Variants in UMAD1 observed in about 807,000 individuals in gnomAD.
UMAD1 encodes the protein UBAP1-MVB12-associated (UMA)-domain containing protein 1.
UMAD1 carries 8 observed loss-of-function variants against 6.1 expected under a neutral mutation model. The observed-to-expected ratio is 1.30, with a 90% CI of 0.76 to 2.35. The LOEUF is 2.35. Ranked by LOEUF, UMAD1 falls within the 30% of genes most tolerant of loss-of-function variation. The pLI is 0.00. For missense variants in UMAD1, 130 were observed against 78.4 expected (o/e 1.66, Z -2.49); for synonymous variants, 56 against 31.4 (o/e 1.78, Z -2.61).
intron 2 of UMAD1, among the ~76,000 whole-genome samples, chr7:7,726,646 G>C (rs956476586): frequency 1.3e-5 from 2 of 152,162 alleles, no homozygotes; most frequent in Non-Finnish European, 2.9e-5. Flanking sequence ...GCAAAATTTT[G>C]CTTCCTTTTC....
chr7:7,864,396 A>C (rs552458631), intron 3 of UMAD1, among the ~76,000 whole-genome samples: 240 of 152,276 alleles, frequency 1.6e-3, no homozygotes, highest in Non-Finnish European at 2.8e-3. Context: ...TTGCCAGAGC[A>C]TATCCCAGCA....
chr7:7,771,137 T>A (rs552107053), intron 2 of UMAD1, among the ~76,000 whole-genome samples: 107 of 151,666 alleles, frequency 7.1e-4, no homozygotes, highest in South Asian at 3.7e-3. Context: ...TTTTTTTTTT[T>A]CTTGGAACGC....
At chr7:7,648,518 G>A (rs1365655234) in intron 1 of UMAD1, among the ~76,000 whole-genome samples, 1 of 152,148 alleles carries the variant, frequency 6.6e-6, no homozygotes, top group African/African-American at 2.4e-5. Context: ...TCTATGTAGT[G>A]TTGCTATTAC....
chr7:7,836,983 A>G (rs1783583876), intron 3 of UMAD1, among the ~76,000 whole-genome samples: 1 of 151,862 alleles, frequency 6.6e-6, no homozygotes, highest in Non-Finnish European at 1.5e-5. Flanking sequence ...CTTCAGATTT[A>G]GAAAGCCCCC....
chr7:7,855,951 A>T (rs1400753586), intron 3 of UMAD1, among the ~76,000 whole-genome samples: 1 of 152,228 alleles, frequency 6.6e-6, no homozygotes, highest in Non-Finnish European at 1.5e-5. Flanking sequence ...TTGCTAAAGC[A>T]TAGCAGGAAT....
intron 3 of UMAD1, among the ~76,000 whole-genome samples, chr7:7,808,844 G>A (rs753966905): frequency 1.3e-5 from 2 of 151,868 alleles, no homozygotes; most frequent in African/African-American, 4.8e-5. Flanking sequence ...TATGCATATG[G>A]AGACACATAT....
At chr7:7,760,635 G>C (rs1261549646) in intron 2 of UMAD1, among the ~76,000 whole-genome samples, 2 of 151,994 alleles carry the variant, frequency 1.3e-5, no homozygotes, top group Non-Finnish European at 2.9e-5. Context: ...ACTGAGTTTG[G>C]ATAGCATTCA....
intron 2 of UMAD1, chr7:7,689,510 T>G (rs1268037315): frequency 6.6e-6 from 1 of 152,134 alleles, no homozygotes; most frequent in African/African-American, 2.4e-5. Context: ...TTAGCTAGGT[T>G]TATGTTACTT....
intron 2 of UMAD1, among the ~76,000 whole-genome samples, chr7:7,780,612 A>G (rs1683956180): frequency 6.6e-6 from 1 of 152,130 alleles, no homozygotes; most frequent in African/African-American, 2.4e-5. Context: ...TCTCCTCCCA[A>G]CCCACTCCTT....
chr7:7,665,861 G>A (rs74968318), intron 1 of UMAD1, among the ~76,000 whole-genome samples: 2,643 of 148,660 alleles, frequency 0.018, 83 homozygotes, highest in African/African-American at 0.062. Flanking sequence ...GTTGTAGCAT[G>A]TATCACTATT....
At chr7:7,682,485 C>T (rs1441800890) in intron 2 of UMAD1, among the ~76,000 whole-genome samples, 1 of 151,868 alleles carries the variant, frequency 6.6e-6, no homozygotes, top group Non-Finnish European at 1.5e-5. Context: ...GTGTTGTTTC[C>T]TTTATTTAAA....
chr7:7,759,206 A>G (rs1781838524), intron 2 of UMAD1, among the ~76,000 whole-genome samples: 2 of 152,200 alleles, frequency 1.3e-5, no homozygotes, highest in African/African-American at 4.8e-5. Context: ...TGAGGACAAA[A>G]GTGTATGTAG....
chr7:7,833,198 G>T (rs1783497413), intron 3 of UMAD1, among the ~76,000 whole-genome samples: 1 of 152,134 alleles, frequency 6.6e-6, no homozygotes, highest in South Asian at 2.1e-4. Context: ...GAGCTGGGCT[G>T]TGAAATCGGG....
chr7:7,665,505 T>A (rs1439691494), intron 1 of UMAD1, among the ~76,000 whole-genome samples: 2 of 152,236 alleles, frequency 1.3e-5, no homozygotes, highest in Non-Finnish European at 2.9e-5. Context: ...CATCTAATTG[T>A]GTCAATAAAT....
At chr7:7,735,471 G>T (rs1419073398) in intron 2 of UMAD1, among the ~76,000 whole-genome samples, 6 of 150,754 alleles carry the variant, frequency 4.0e-5, no homozygotes, top group Non-Finnish European at 8.8e-5. Flanking sequence ...GTGCAATGAC[G>T]TGATCTCCGC....
chr7:7,646,808 C>G (rs139923470), intron 1 of UMAD1, among the ~76,000 whole-genome samples: 1 of 152,106 alleles, frequency 6.6e-6, no homozygotes, highest in African/African-American at 2.4e-5. Context: ...CTCTCCTCTG[C>G]TGCACCATTC....
intron 2 of UMAD1, among the ~76,000 whole-genome samples, chr7:7,691,618 C>G (rs888204404): frequency 6.6e-6 from 1 of 152,176 alleles, no homozygotes; most frequent in Non-Finnish European, 1.5e-5. Flanking sequence ...GGCATAGATT[C>G]TCTATCCAGT....
At chr7:7,719,739 G>T (rs554355221) in intron 2 of UMAD1, among the ~76,000 whole-genome samples, 1 of 152,248 alleles carries the variant, frequency 6.6e-6, no homozygotes, top group South Asian at 2.1e-4. Context: ...AAGATGAGAA[G>T]AATAATGTGG....
intron 1 of UMAD1, among the ~76,000 whole-genome samples, chr7:7,651,532 A>G (rs376896721): frequency 1.3e-5 from 2 of 152,086 alleles, no homozygotes; most frequent in African/African-American, 4.8e-5. Flanking sequence ...CCCTATGGCC[A>G]TTGCTTTGGG....
Sources: allele counts gnomAD v4.1 joint callset (sites outside exome capture counted in the v4.1 genomes callset), GRCh38; gene constraint gnomAD v4.1.1; transcripts MANE v1.5; gene names NCBI Gene and HGNC (gene_info 2026-07-23, HGNC 2026-07-21).